TOP2B: variants seen among roughly 807,000 people sequenced by gnomAD.
TOP2B encodes the protein DNA topoisomerase 2-beta.
In TOP2B, 51 loss-of-function variants were observed where a neutral mutation model predicts 193.5. The observed-to-expected ratio is 0.26, with a 90% CI of 0.21 to 0.33. TOP2B has a LOEUF of 0.33. Ranked by LOEUF, TOP2B falls within the 10% of genes least tolerant of loss-of-function variation. The pLI is 1.00. For missense variants in TOP2B, 1,378 were observed against 1,909.3 expected (o/e 0.72, Z 5.19); for synonymous variants, 634 against 635.7 (o/e 1.00, Z 0.04).
At chr3:25,644,759 G>A (rs1211377553) in intron 2 of TOP2B, among the ~76,000 whole-genome samples, 3 of 151,718 alleles carry the variant, frequency 2.0e-5, no homozygotes, top group Non-Finnish European at 4.4e-5. Context: ...TAAAAAGTTC[G>A]TATGGCACCA....
chr3:25,641,076 C>G (rs1477427391), intron 4 of TOP2B, among the ~76,000 whole-genome samples: 1 of 152,108 alleles, frequency 6.6e-6, no homozygotes, highest in Non-Finnish European at 1.5e-5. Flanking sequence ...GCTGCCGCAC[C>G]TGGCTTAGCT....
In TOP2B at chr3:25,602,405, AAAAAGAAAAAG is replaced by A. The variant is rs1219962748; in HGVS notation, c.4490-1191_4490-1181del. ...GAGCAAGACTCTGTCTCAAAAAAAAAAAAAGAAAAAGAAAAAAAAAAAACTGATAAATCACT... is the reference window on the plus strand; with the variant it reads ...GAGCAAGACTCTGTCTCAAAAAAAAAAAAAAAAAAAAACTGATAAATCACT... On this transcript the variant is annotated intron_variant, in intron 33 of 35. Transcript: ENST00000264331. Among the ~76,000 whole-genome samples the A allele has an allele frequency of 4.7e-4, 56 of 119,720 alleles. 1 individual carries two copies. Among genetic ancestry groups the A allele is most frequent in the African/African-American group, 2.8e-3 (55 of 19,662 alleles). The allele number at this position is 119,720 out of a possible 152,430, so 78.5% of individuals were successfully genotyped here.
At position 25,619,944 on chromosome 3, in the gene TOP2B, G is replaced by T. The variant is rs1187928629; in HGVS notation, c.2981C>A (p.Thr994Asn). The change falls in exon 23 of 36, where the codon ACT becomes AAT. Residue 994 changes from threonine (T) to asparagine (N), a missense_variant. Transcript: ENST00000264331. ...DTTVKFVVKM[T>N]EEKLAQAEAA... is the part of the protein sequence containing the mutation. ...TTCTGCTTGTGCTAGTTTCTCTTCA[G>T]TCATTTTCACCACAAATTTCACAGT... The T allele has an allele frequency of 1.2e-6, 2 of 1,613,110 alleles. No individual in the cohort carries two copies. The highest frequency in any genetic ancestry group is 8.5e-7 in the Non-Finnish European group (1 of 1,179,646).
At chr3:25,601,912 T>C (rs1702104662) in intron 33 of TOP2B, among the ~76,000 whole-genome samples, 1 of 152,122 alleles carries the variant, frequency 6.6e-6, no homozygotes, top group African/African-American at 2.4e-5. Flanking sequence ...AAAAAATGTA[T>C]GGGATCCTCG....
At chr3:25,606,589 C>T (rs1422446081) in intron 31 of TOP2B, among the ~76,000 whole-genome samples, 1 of 152,002 alleles carries the variant, frequency 6.6e-6, no homozygotes, top group African/African-American at 2.4e-5. Context: ...TACAGGTGGG[C>T]AATTATTTCA....
At chr3:25,650,577 C>T (rs1209713648) in intron 1 of TOP2B, among the ~76,000 whole-genome samples, 3 of 152,330 alleles carry the variant, frequency 2.0e-5, no homozygotes, top group South Asian at 2.1e-4. Flanking sequence ...GGTTTTGGCA[C>T]TCATTGAATG....
At chr3:25,621,112 C>A (rs541807692) in intron 21 of TOP2B, among the ~76,000 whole-genome samples, 1 of 152,216 alleles carries the variant, frequency 6.6e-6, no homozygotes, top group Non-Finnish European at 1.5e-5. Flanking sequence ...ATTCAAACTC[C>A]TTGGGCCTTA....
chr3:25,619,089 T>C (rs1252256693), intron 23 of TOP2B, among the ~76,000 whole-genome samples: 1 of 152,054 alleles, frequency 6.6e-6, no homozygotes, highest in African/African-American at 2.4e-5. Flanking sequence ...TTAGGAATAA[T>C]ATTGAAAGAC....
intron 30 of TOP2B, among the ~76,000 whole-genome samples, chr3:25,608,830 T>C (rs1474655148): frequency 1.3e-5 from 2 of 152,200 alleles, no homozygotes; most frequent in Non-Finnish European, 2.9e-5. Flanking sequence ...TTTTTCATGA[T>C]ATAAGGGGTA....
intron 21 of TOP2B, 78 bp downstream of exon 21, chr3:25,623,437 T>C (rs1702715533): frequency 7.6e-7 from 1 of 1,323,300 alleles, no homozygotes; most frequent in Admixed American, 2.0e-5. Flanking sequence ...AAATGTTCCA[T>C]TACTTTTCTA....
chr3:25,641,630 T>C (rs573176412), intron 4 of TOP2B, among the ~76,000 whole-genome samples: 2 of 152,184 alleles, frequency 1.3e-5, no homozygotes, highest in South Asian at 4.2e-4. Flanking sequence ...CAAATTATAG[T>C]TTTATTATAC....
At position 25,618,302 on chromosome 3, in the gene TOP2B, T is replaced by G. The variant is rs45438599; in HGVS notation, c.3351+116A>C. 5.8e-6 allele frequency: 4 copies of G among 694,328 alleles called. No homozygotes were observed. In the East Asian group the frequency reaches 1.1e-4, roughly 19 times the overall value. 43.0% of individuals were successfully genotyped at this position (694,328 alleles called of 1,614,324 possible). ...TAAACAGAAGACTTTAGTCTCTAAA[T>G]AGACAACTCAGCACCTTTAGTAGTA... On this transcript the variant is annotated intron_variant, in intron 25 of 35. Coordinates refer to ENST00000264331, the MANE Select transcript of TOP2B (RefSeq NM_001330700.2).
At chr3:25,642,090 G>A (rs931745819) in intron 4 of TOP2B, among the ~76,000 whole-genome samples, 1 of 152,216 alleles carries the variant, frequency 6.6e-6, no homozygotes, top group East Asian at 1.9e-4. Flanking sequence ...CCTAGCAGCT[G>A]AAATAGCATA....
chr3:25,644,311 T>C lies in TOP2B; in HGVS notation c.241-527A>G, dbSNP rs1224730833. ...GGTTAGGATCAAATGAGATAATATA[T>C]GTAAGCCAAGTTCCTAGTAAGCAGT... On this transcript the variant is annotated intron_variant, in intron 2 of 35. Transcript: ENST00000264331. Among the ~76,000 whole-genome samples the C allele has an allele frequency of 3.3e-5, 5 of 152,306 alleles. No homozygotes were observed. The East Asian group carries it at 9.6e-4, about 29-fold the overall frequency.
At chr3:25,621,575 G>A (rs1481228926) in intron 21 of TOP2B, among the ~76,000 whole-genome samples, 1 of 151,974 alleles carries the variant, frequency 6.6e-6, no homozygotes, top group African/African-American at 2.4e-5. Flanking sequence ...TGCCCAGGCT[G>A]GTCTTCAACT....
chr3:25,646,927 A>T (rs1703431276), intron 1 of TOP2B, among the ~76,000 whole-genome samples: 1 of 152,162 alleles, frequency 6.6e-6, no homozygotes, highest in Admixed American at 6.5e-5. Flanking sequence ...TCAAAATAAA[A>T]GTATTAAAAA....
At chr3:25,613,845 G>A (rs564311040) in intron 27 of TOP2B, among the ~76,000 whole-genome samples, 2 of 152,138 alleles carry the variant, frequency 1.3e-5, no homozygotes, top group South Asian at 4.1e-4. Context: ...GAGAAGATGA[G>A]TAATTCTATA....
intron 35 of TOP2B, among the ~76,000 whole-genome samples, chr3:25,598,871 TGTAA>T (rs1297952860): frequency 2.0e-5 from 3 of 152,180 alleles, no homozygotes; most frequent in Non-Finnish European, 2.9e-5. Flanking sequence ...ATGTGTGCAC[TGTAA>T]GTGTTTAAAA....
rs751212927 is a variant in TOP2B, at chr3:25,632,693, T to C, written c.1128A>G (p.Gln376=). ...NKAGVSVKPF[Q]VKNHIWVFIN... ...GTACAATATATAACACATCCCTTAC[T>C]TGAAATGGTTTCACTGATACACCAG... The change falls in exon 9 of 36, where the codon CAA becomes CAG. Residue 376 remains glutamine, a splice_region_variant and synonymous_variant. Transcript: ENST00000264331. 1.9e-6 allele frequency: 3 copies of C among 1,612,540 alleles called. No homozygotes were observed. The highest frequency in any genetic ancestry group is 2.5e-6 in the Non-Finnish European group (3 of 1,178,852).
Sources: gnomAD v4.1 joint callset for allele counts (sites outside exome capture counted in the v4.1 genomes callset) on GRCh38, gnomAD v4.1.1 for gene constraint, MANE v1.5 for transcripts, NCBI Gene and HGNC (gene_info 2026-07-23, HGNC 2026-07-21) for gene names.